The following SGCG variants were observed in gnomAD, a reference collection of about 807,000 sequenced individuals.
The protein encoded by SGCG is gamma-sarcoglycan.
In SGCG, 26 loss-of-function variants were observed where a neutral mutation model predicts 29.3. That is an observed-to-expected ratio of 0.89 (90% CI 0.65 to 1.23). The LOEUF (loss-of-function observed/expected upper bound fraction) is 1.23. Ranked by LOEUF, SGCG falls within the 50% of genes most tolerant of loss-of-function variation. The pLI is 0.00. For missense variants in SGCG, 353 were observed against 356.0 expected, an observed-to-expected ratio of 0.99 and a Z score of 0.07; for synonymous variants, 145 against 129.7, an observed-to-expected ratio of 1.12 and a Z score of -0.80.
chr13:23,231,156 A>C (rs1218003820), intron 2 of SGCG, among the ~76,000 whole-genome samples: 3 of 152,150 alleles, frequency 2.0e-5, no homozygotes, highest in Admixed American at 1.3e-4. Context: ...ATGGTGGATT[A>C]GCTTTTTGAT....
Position 23,194,905 on chromosome 13 carries a change from G to T in SGCG, c.1-8790G>T, listed in dbSNP as rs78457663. ...TAATAGGACACAGAAGAAAACAGTA[G>T]GTGCCCACTGTAATAGGATACTGAA... is the stretch of plus-strand genomic sequence containing the variant. On this transcript the variant is annotated intron_variant, in intron 1 of 7. Transcript: ENST00000218867. Among the ~76,000 whole-genome samples, 948 of 152,282 alleles carry T rather than the reference G, an allele frequency of 6.2e-3. 10 individuals carry two copies. Among genetic ancestry groups the T allele is most frequent in the African/African-American group, 0.022 (904 of 41,544 alleles).
intron 2 of SGCG, among the ~76,000 whole-genome samples, chr13:23,221,364 G>A (rs1295514857): frequency 6.6e-6 from 1 of 152,156 alleles, no homozygotes; most frequent in Non-Finnish European, 1.5e-5. Context: ...AAACTAAAAT[G>A]CAGAGTCACT....
the SGCG span, among the ~76,000 whole-genome samples, chr13:23,160,514 G>A: frequency 6.6e-6 from 1 of 152,264 alleles, no homozygotes; most frequent in East Asian, 1.9e-4. Flanking sequence ...GAGCAGAGTC[G>A]TCGCTGCGGT....
chr13:23,191,994 C>G (rs4600313), intron 1 of SGCG, among the ~76,000 whole-genome samples: 1 of 151,194 alleles, frequency 6.6e-6, no homozygotes, highest in Non-Finnish European at 1.5e-5. Flanking sequence ...GCTAACACGG[C>G]GAAACCCCGT....
chr13:23,227,696 A>G (rs902089150), intron 2 of SGCG, among the ~76,000 whole-genome samples: 1 of 152,182 alleles, frequency 6.6e-6, no homozygotes, highest in Non-Finnish European at 1.5e-5. Flanking sequence ...ATCACCATCT[A>G]TGTTATGTCC....
At position 23,254,280 on chromosome 13, in the gene SGCG, G is replaced by C. The variant is rs531678944; in HGVS notation, c.385+3563G>C. 5.8e-4 allele frequency among the ~76,000 whole-genome samples: 89 copies of C among 152,194 alleles called. No homozygotes were observed. In the South Asian group the frequency reaches 8.3e-3, roughly 14 times the overall value. ...TGGGCAGTGAAGATCAGGCTGAGGA[G>C]GTCTCAGATGGAAATGAGGACGTTA... On this transcript the variant is annotated intron_variant, in intron 4 of 7. Coordinates refer to ENST00000218867, the MANE Select transcript of SGCG (RefSeq NM_000231.3).
chr13:23,314,405 T>TATATATATAA (rs1882724478), intron 6 of SGCG, among the ~76,000 whole-genome samples: 1 of 141,538 alleles, frequency 7.1e-6, no homozygotes, highest in South Asian at 2.3e-4. Flanking sequence ...TATATATATA[T>TATATATATAA]ATAATCTTAT....
chr13:23,288,847 A>G (rs984361753), intron 5 of SGCG, among the ~76,000 whole-genome samples: 4 of 152,190 alleles, frequency 2.6e-5, no homozygotes, highest in African/African-American at 9.7e-5. Flanking sequence ...GGCTCAGTCC[A>G]TTTCCCAATA....
At chr13:23,312,977 A>G (rs1407581052) in intron 6 of SGCG, among the ~76,000 whole-genome samples, 2 of 152,154 alleles carry the variant, frequency 1.3e-5, no homozygotes, top group African/African-American at 4.8e-5. Context: ...ATGTAAGGTG[A>G]GTTACCCATT....
At chr13:23,198,051 C>T (rs942919497) in intron 1 of SGCG, among the ~76,000 whole-genome samples, 1 of 152,068 alleles carries the variant, frequency 6.6e-6, no homozygotes, top group African/African-American at 2.4e-5. Context: ...AACATTGAAA[C>T]CAAAAGTGGC....
At chr13:23,277,567 G>A (rs967829680) in intron 4 of SGCG, among the ~76,000 whole-genome samples, 10 of 152,046 alleles carry the variant, frequency 6.6e-5, no homozygotes, top group African/African-American at 2.4e-4. Context: ...TGTCCAAAAC[G>A]GATCAATGCA....
At chr13:23,196,959 A>G (rs1157535014) in intron 1 of SGCG, among the ~76,000 whole-genome samples, 1 of 152,170 alleles carries the variant, frequency 6.6e-6, no homozygotes, top group African/African-American at 2.4e-5. Context: ...GAATTTAACC[A>G]TCCCACTAGC....
intron 4 of SGCG, among the ~76,000 whole-genome samples, chr13:23,261,247 ATT>A (rs148325128): frequency 2.0e-5 from 3 of 150,726 alleles, no homozygotes; most frequent in Non-Finnish European, 4.4e-5. Context: ...ATTCTGAAAA[ATT>A]TTTTTTTTAA....
chr13:23,189,105 A>G (rs547496697), intron 1 of SGCG, among the ~76,000 whole-genome samples: 38 of 152,360 alleles, frequency 2.5e-4, no homozygotes, highest in African/African-American at 8.7e-4. Context: ...CTCACTACAC[A>G]GGGACAGGAA....
chr13:23,171,266 C>T, the SGCG span, among the ~76,000 whole-genome samples: 1 of 152,136 alleles, frequency 6.6e-6, no homozygotes, highest in African/African-American at 2.4e-5. Context: ...ACCTTTTGTA[C>T]ATTATCTTAT....
At chr13:23,243,318 G>A (rs1178910652) in intron 3 of SGCG, among the ~76,000 whole-genome samples, 3 of 152,146 alleles carry the variant, frequency 2.0e-5, no homozygotes, top group Non-Finnish European at 4.4e-5. Flanking sequence ...AGACAGTTAT[G>A]AGGCCACATC....
At chr13:23,229,547 C>G (rs962757089) in intron 2 of SGCG, among the ~76,000 whole-genome samples, 1 of 151,880 alleles carries the variant, frequency 6.6e-6, no homozygotes, top group Non-Finnish European at 1.5e-5. Context: ...TTTAGTAACA[C>G]TGAACATTTT....
At chr13:23,242,568 G>C (rs1416576261) in intron 3 of SGCG, among the ~76,000 whole-genome samples, 2 of 152,172 alleles carry the variant, frequency 1.3e-5, no homozygotes, top group East Asian at 3.9e-4. Flanking sequence ...ATTCAAACAG[G>C]TACATTCAGA....
At chr13:23,319,751 G>A (rs553662163) in intron 6 of SGCG, among the ~76,000 whole-genome samples, 36 of 152,182 alleles carry the variant, frequency 2.4e-4, no homozygotes, top group Non-Finnish European at 4.4e-4. Context: ...CCCTTTAAGC[G>A]TTTCCTTGAA....
Sources: allele counts gnomAD v4.1 joint callset (sites outside exome capture counted in the v4.1 genomes callset), GRCh38; gene constraint gnomAD v4.1.1; transcripts MANE v1.5; gene names NCBI Gene and HGNC (gene_info 2026-07-23, HGNC 2026-07-21).